The following CAMK4 variants were observed in gnomAD, a reference collection of about 807,000 sequenced individuals.
The protein encoded by CAMK4 is calcium/calmodulin dependent protein kinase IV.
In CAMK4, 22 loss-of-function variants were observed where a neutral mutation model predicts 44.9. That is an observed-to-expected ratio of 0.49 (90% CI 0.35 to 0.70). The LOEUF is 0.70. CAMK4 is among the 30% of genes least tolerant of loss of function. The pLI is 0.01. For missense variants in CAMK4, 498 were observed against 586.8 expected (o/e 0.85, Z 1.56); for synonymous variants, 218 against 215.4 (o/e 1.01, Z -0.11).
chr5:111,410,813 A>T (rs1195635253), intron 5 of CAMK4, among the ~76,000 whole-genome samples: 3 of 152,196 alleles, frequency 2.0e-5, no homozygotes, highest in Non-Finnish European at 4.4e-5. Context: ...GAGAGCTTCA[A>T]GGCAATGCTA....
intron 5 of CAMK4, among the ~76,000 whole-genome samples, chr5:111,445,687 C>G (rs1299418559): frequency 3.3e-5 from 5 of 152,118 alleles, no homozygotes; most frequent in African/African-American, 4.8e-5. Context: ...CTCGGCCCAC[C>G]GAATTGCTGG....
chr5:111,345,509 G>C (rs1344570636), intron 2 of CAMK4, among the ~76,000 whole-genome samples: 3 of 151,928 alleles, frequency 2.0e-5, no homozygotes, highest in Non-Finnish European at 2.9e-5. Flanking sequence ...TATTTTAGCA[G>C]TAGTCACACA....
At chr5:111,265,621 C>A (rs1750206315) in intron 1 of CAMK4, among the ~76,000 whole-genome samples, 3 of 152,104 alleles carry the variant, frequency 2.0e-5, no homozygotes, top group African/African-American at 7.2e-5. Flanking sequence ...ATAAGGTATG[C>A]ACATGAGAGT....
chr5:111,315,569 A>G (rs1580576141), intron 1 of CAMK4, among the ~76,000 whole-genome samples: 1 of 152,114 alleles, frequency 6.6e-6, no homozygotes, highest in African/African-American at 2.4e-5. Context: ...CATCACGACA[A>G]TCTTAGTTGT....
intron 5 of CAMK4, among the ~76,000 whole-genome samples, chr5:111,396,151 C>A (rs1271657182): frequency 6.6e-6 from 1 of 152,138 alleles, no homozygotes; most frequent in East Asian, 1.9e-4. Context: ...CATAAGGCTT[C>A]TAGAAATAGC....
chr5:111,407,285 A>C (rs949931482), intron 5 of CAMK4, among the ~76,000 whole-genome samples: 1 of 150,926 alleles, frequency 6.6e-6, no homozygotes, highest in East Asian at 2.0e-4. Flanking sequence ...TGGGAGGCGG[A>C]GGTTGCAGTA....
chr5:111,241,279 C>T (rs75517998), intron 1 of CAMK4, among the ~76,000 whole-genome samples: 4,391 of 152,118 alleles, frequency 0.029, 231 homozygotes, highest in African/African-American at 0.099. Flanking sequence ...TAGTCTTTGC[C>T]TGTTTTTCAT....
intron 1 of CAMK4, among the ~76,000 whole-genome samples, chr5:111,277,136 G>A (rs1190316847): frequency 6.6e-6 from 1 of 152,172 alleles, no homozygotes; most frequent in Non-Finnish European, 1.5e-5. Context: ...GTTAACACAT[G>A]GATGATAAAT....
chr5:111,318,671 G>T (rs187642002), intron 1 of CAMK4, among the ~76,000 whole-genome samples: 2 of 152,198 alleles, frequency 1.3e-5, no homozygotes, highest in Non-Finnish European at 2.9e-5. Context: ...ATGAAATGTC[G>T]CTAATGTCAC....
intron 1 of CAMK4, among the ~76,000 whole-genome samples, chr5:111,327,241 G>A (rs1159196418): frequency 6.6e-6 from 1 of 150,752 alleles, no homozygotes; most frequent in Admixed American, 6.7e-5. Flanking sequence ...TCCCACCTAT[G>A]AGTGAGAACA....
At chr5:111,447,754 A>G (rs1030413866) in intron 6 of CAMK4, among the ~76,000 whole-genome samples, 3 of 152,206 alleles carry the variant, frequency 2.0e-5, no homozygotes, top group African/African-American at 4.8e-5. Flanking sequence ...ACCTTTAACA[A>G]TTAAGTTGTT....
At chr5:111,269,562 C>T (rs571634641) in intron 1 of CAMK4, among the ~76,000 whole-genome samples, 2 of 152,172 alleles carry the variant, frequency 1.3e-5, no homozygotes, top group Admixed American at 1.3e-4. Flanking sequence ...AACTGCAGGC[C>T]GTGACCTGCA....
chr5:111,238,518 C>T (rs751787260), intron 1 of CAMK4, among the ~76,000 whole-genome samples: 42 of 151,572 alleles, frequency 2.8e-4, no homozygotes, highest in Non-Finnish European at 5.0e-4. Context: ...CGATTGCAGA[C>T]TTCCAGCCCT....
intron 5 of CAMK4, among the ~76,000 whole-genome samples, chr5:111,426,660 C>A (rs529216261): frequency 6.6e-6 from 1 of 152,258 alleles, no homozygotes; most frequent in African/African-American, 2.4e-5. Context: ...CCCAATGGTA[C>A]CAGCATGGTA....
intron 7 of CAMK4, among the ~76,000 whole-genome samples, chr5:111,471,093 G>A (rs1191875377): frequency 2.0e-5 from 3 of 152,162 alleles, no homozygotes; most frequent in Admixed American, 2.0e-4. Flanking sequence ...TTTATCTCCT[G>A]TAACAATTGT....
intron 1 of CAMK4, among the ~76,000 whole-genome samples, chr5:111,317,454 C>T (rs570202214): frequency 1.2e-4 from 19 of 152,230 alleles, no homozygotes; most frequent in South Asian, 1.0e-3. Flanking sequence ...AATACTCATT[C>T]GTTCAAGCTT....
chr5:111,419,066 AAAAATGTTC>A (rs1477320794), intron 5 of CAMK4, among the ~76,000 whole-genome samples: 3 of 152,138 alleles, frequency 2.0e-5, no homozygotes, highest in Non-Finnish European at 4.4e-5. Flanking sequence ...CCAACAGTGT[AAAAATGTTC>A]CTATTTCTCC....
chr5:111,335,952 C>G (rs1749383942), intron 1 of CAMK4, among the ~76,000 whole-genome samples: 1 of 151,024 alleles, frequency 6.6e-6, no homozygotes, highest in Non-Finnish European at 1.5e-5. Context: ...AACTTTTTGC[C>G]TTTAAATTTT....
At chr5:111,433,930 A>T (rs2112945515) in intron 5 of CAMK4, among the ~76,000 whole-genome samples, 1 of 152,298 alleles carries the variant, frequency 6.6e-6, no homozygotes, top group South Asian at 2.1e-4. Flanking sequence ...TAAATCAATG[A>T]TTGACATGAG....
Sources: allele counts gnomAD v4.1 joint callset (sites outside exome capture counted in the v4.1 genomes callset), GRCh38; gene constraint gnomAD v4.1.1; transcripts MANE v1.5; gene names NCBI Gene and HGNC (gene_info 2026-07-23, HGNC 2026-07-21).